The following SRPK2 variants were observed in gnomAD, a reference collection of about 807,000 sequenced individuals.
The protein encoded by SRPK2 is SRSF protein kinase 2.
Under a neutral mutation model 90.8 loss-of-function variants are expected in SRPK2, and 21 were observed. The ratio of observed to expected loss-of-function variants is 0.23; its 90% CI spans 0.16 to 0.33. The LOEUF (loss-of-function observed/expected upper bound fraction) is 0.33, where lower values mean the gene tolerates loss of function less well. SRPK2 is among the 10% of genes least tolerant of loss of function. The probability of loss-of-function intolerance (pLI) is 1.00; values close to 1 mark genes in which losing one functional copy is unlikely to be tolerated. For synonymous variants in SRPK2, 288 were observed against 311.1 expected (o/e 0.93, Z 0.78); for missense variants, 620 against 869.0 (o/e 0.71, Z 3.60).
chr7:105,159,470 A>AAAAAAAAAAAAAAAAAC (rs1563005939), intron 7 of SRPK2, among the ~76,000 whole-genome samples: 1 of 149,000 alleles, frequency 6.7e-6, no homozygotes, highest in Non-Finnish European at 1.5e-5. Flanking sequence ...AAAAAAAAAA[A>AAAAAAAAAAAAAAAAAC]AAACCGTACA....
At chr7:105,168,596 CTTTTATG>C (rs1179276776) in intron 4 of SRPK2, among the ~76,000 whole-genome samples, 3 of 151,970 alleles carry the variant, frequency 2.0e-5, no homozygotes, top group African/African-American at 7.3e-5. Flanking sequence ...AAGACAATCT[CTTTTATG>C]TTTTGTTTTG....
intron 3 of SRPK2, among the ~76,000 whole-genome samples, chr7:105,199,458 T>TCCC (rs1795288791): frequency 6.6e-6 from 1 of 152,108 alleles, no homozygotes; most frequent in East Asian, 1.9e-4. Context: ...GAAAGCTCTC[T>TCCC]CCCCTTCCCA....
At chr7:105,354,489 A>G (rs1435780910) in intron 2 of SRPK2, among the ~76,000 whole-genome samples, 1 of 152,208 alleles carries the variant, frequency 6.6e-6, no homozygotes, top group South Asian at 2.1e-4. Context: ...TAGCATAGGT[A>G]AGCATTACGA....
At chr7:105,323,388 A>G (rs986186462) in intron 2 of SRPK2, among the ~76,000 whole-genome samples, 1 of 152,204 alleles carries the variant, frequency 6.6e-6, no homozygotes, top group Non-Finnish European at 1.5e-5. Context: ...ACCTTCACCA[A>G]TGTTAGAAAA....
At chr7:105,381,116 T>C (rs542046760) in intron 2 of SRPK2, among the ~76,000 whole-genome samples, 1 of 152,026 alleles carries the variant, frequency 6.6e-6, no homozygotes, top group African/African-American at 2.4e-5. Context: ...TGGTGGCGCA[T>C]GCCTGTAATC....
intron 2 of SRPK2, among the ~76,000 whole-genome samples, chr7:105,293,141 T>C (rs1169237155): frequency 6.6e-6 from 1 of 151,996 alleles, no homozygotes; most frequent in Non-Finnish European, 1.5e-5. Flanking sequence ...CTACTAAAAA[T>C]ACAAAAATTG....
rs1407338437 is a variant in SRPK2 at position 105,194,777 on chromosome 7, C to A, written c.229+8851G>T. ...ACAAAGCTGGAAGACTGACACTACC[C>A]ATTCAAGGCATGCTATACAAAGCTA... On this transcript the variant is annotated intron_variant, in intron 3 of 15. Coordinates refer to ENST00000393651, the MANE Select transcript of SRPK2 (RefSeq NM_182692.3). 2.0e-5 allele frequency among the ~76,000 whole-genome samples: 3 copies of A among 152,122 alleles called. No individual in the cohort carries two copies. In the East Asian group the frequency reaches 5.8e-4, roughly 29 times the overall value.
At chr7:105,380,806 G>A (rs980365473) in intron 2 of SRPK2, among the ~76,000 whole-genome samples, 2 of 151,952 alleles carry the variant, frequency 1.3e-5, no homozygotes, top group African/African-American at 4.8e-5. Context: ...ACAGGCGTAA[G>A]CTACCACGCC....
At chr7:105,277,010 CAT>C (rs1491091348) in intron 2 of SRPK2, among the ~76,000 whole-genome samples, 6 of 152,170 alleles carry the variant, frequency 3.9e-5, no homozygotes, top group Non-Finnish European at 8.8e-5. Flanking sequence ...CTCTATTTCA[CAT>C]GTTTACACAT....
intron 2 of SRPK2, among the ~76,000 whole-genome samples, chr7:105,353,082 T>A (rs774622046): frequency 2.6e-5 from 4 of 152,172 alleles, no homozygotes; most frequent in Non-Finnish European, 5.9e-5. Flanking sequence ...AAGGTTCAAT[T>A]TTCTCATCAG....
At chr7:105,391,688 T>C (rs150011958), upstream of SRPK2, among the ~76,000 whole-genome samples, 110 of 152,198 alleles carry the variant, frequency 7.2e-4, no homozygotes, top group African/African-American at 2.6e-3. Context: ...AAAAAAATGT[T>C]AATGGAAAAA....
In SRPK2 at chr7:105,170,934, G is replaced by GAAA. The variant is rs1213885011; in HGVS notation, c.230-1670_230-1669insTTT. The stretch of plus-strand genomic sequence containing the variant: ...AAGAAAGGAGAAAGAAAAAGAAAAA[G>GAAA]GAAAGAAAGAAAGAAAGAAAGAAAG... On this transcript the variant is annotated intron_variant, in intron 3 of 15. Coordinates refer to ENST00000393651, the MANE Select transcript of SRPK2 (RefSeq NM_182692.3). Among the ~76,000 whole-genome samples the GAAA allele has an allele frequency of 4.3e-3, 126 of 29,054 alleles. 5 individuals are homozygous for GAAA. The highest frequency in any genetic ancestry group is 0.017 in the Middle Eastern group (1 of 60). The allele number at this position is 29,054 out of a possible 152,430, so 19.1% of individuals were successfully genotyped here. A position where few individuals can be genotyped will look rare whatever the true frequency, so the allele number is the denominator to read the frequency against.
chr7:105,234,124 C>G (rs1370966551), intron 2 of SRPK2, among the ~76,000 whole-genome samples: 1 of 151,870 alleles, frequency 6.6e-6, no homozygotes, highest in Non-Finnish European at 1.5e-5. Context: ...TTAAGAACAC[C>G]TTTGCTGCAC....
Position 105,202,191 on chromosome 7 carries a change from C to T in SRPK2, c.229+1437G>A, listed in dbSNP as rs79284027. ...AGGTTAGAGTAGATTAGTTCCTACA[C>T]TTTTGTAGTACAGTAACTTTCTCTT... is the stretch of plus-strand genomic sequence containing the variant. On this transcript the variant is annotated intron_variant, in intron 3 of 15. Transcript: ENST00000393651. Among the ~76,000 whole-genome samples, 85 of 152,282 alleles carry T rather than the reference C, an allele frequency of 5.6e-4. 3 individuals are homozygous for T. The highest frequency in any genetic ancestry group is 2.5e-3 in the East Asian group (13 of 5,190).
intron 2 of SRPK2, among the ~76,000 whole-genome samples, chr7:105,238,306 G>C (rs1432385820): frequency 1.3e-5 from 2 of 152,196 alleles, no homozygotes; most frequent in Non-Finnish European, 2.9e-5. Context: ...AAGATGCTGA[G>C]AAAAGTCTGG....
At chr7:105,138,525 G>A (rs1803227744) in intron 11 of SRPK2, among the ~76,000 whole-genome samples, 1 of 152,226 alleles carries the variant, frequency 6.6e-6, no homozygotes, top group Admixed American at 6.5e-5. Flanking sequence ...TAGGCCAGGT[G>A]TGATGGCTCA....
intron 2 of SRPK2, chr7:105,306,638 G>A (rs929218214): frequency 8.0e-6 from 3 of 374,518 alleles, no homozygotes; most frequent in African/African-American, 6.4e-5. Context: ...TCGTTGGCAA[G>A]ATGCCACCTT....
intron 2 of SRPK2, among the ~76,000 whole-genome samples, chr7:105,223,339 G>A (rs1451312360): frequency 6.6e-6 from 1 of 152,210 alleles, no homozygotes; most frequent in Non-Finnish European, 1.5e-5. Flanking sequence ...CACAGAATCT[G>A]TTTCCACATT....
intron 6 of SRPK2, among the ~76,000 whole-genome samples, chr7:105,161,086 C>G (rs373721037): frequency 1.3e-5 from 2 of 151,990 alleles, no homozygotes; most frequent in Admixed American, 1.3e-4. Context: ...CCACCACGCT[C>G]GGCTAATTTT....
Sources: gnomAD v4.1 joint callset for allele counts (sites outside exome capture counted in the v4.1 genomes callset) on GRCh38, gnomAD v4.1.1 for gene constraint, MANE v1.5 for transcripts, NCBI Gene and HGNC (gene_info 2026-07-23, HGNC 2026-07-21) for gene names.